ZMAT4: variants seen among roughly 807,000 people sequenced by gnomAD.
ZMAT4 encodes the protein zinc finger matrin-type 4, also known as zinc finger matrin-type protein 4.
ZMAT4 carries 17 observed loss-of-function variants against 28.7 expected under a neutral mutation model. The observed-to-expected ratio is 0.59, with a 90% CI of 0.41 to 0.89. ZMAT4 has a LOEUF of 0.89. Ranked by LOEUF, ZMAT4 falls within the 40% of genes least tolerant of loss-of-function variation. The pLI is 0.00. For missense variants in ZMAT4, 240 were observed against 283.8 expected (o/e 0.85, Z 1.11); for synonymous variants, 117 against 109.2 (o/e 1.07, Z -0.44).
chr8:40,756,122 G>T (rs565567876), intron 3 of ZMAT4, among the ~76,000 whole-genome samples: 1 of 152,016 alleles, frequency 6.6e-6, no homozygotes, highest in African/African-American at 2.4e-5. Context: ...GGGGTACTTT[G>T]AGTGGGGGAA....
chr8:40,559,094 T>C lies in ZMAT4; in HGVS notation c.674+22071A>G, dbSNP rs74625477. Among the ~76,000 whole-genome samples, 564 of 152,282 alleles carry C rather than the reference T, an allele frequency of 3.7e-3. 6 individuals carry two copies. Among genetic ancestry groups the C allele is most frequent in the Middle Eastern group, 0.01 (3 of 294 alleles). ...AGCACTGGCTTTGAGACAAGCAGTG[T>C]TGAAACAATTGCAGCTCGCCCACCA... On this transcript the variant is annotated intron_variant, in intron 6 of 6. Coordinates refer to ENST00000297737, the MANE Select transcript of ZMAT4 (RefSeq NM_024645.3).
intron 1 of ZMAT4, among the ~76,000 whole-genome samples, chr8:40,841,663 A>G (rs1207628085): frequency 6.6e-6 from 1 of 152,184 alleles, no homozygotes; most frequent in Non-Finnish European, 1.5e-5. Context: ...TTAGAGGCAA[A>G]AAGTATCTCT....
chr8:40,569,950 T>C (rs1003010022), intron 6 of ZMAT4, among the ~76,000 whole-genome samples: 12 of 152,290 alleles, frequency 7.9e-5, no homozygotes, highest in Admixed American at 3.3e-4. Context: ...TTAGAGATTG[T>C]TGGAATTGAT....
chr8:40,744,495 A>G (rs1230201794), intron 3 of ZMAT4, among the ~76,000 whole-genome samples: 2 of 152,168 alleles, frequency 1.3e-5, no homozygotes, highest in East Asian at 3.9e-4. Flanking sequence ...AAATGTGATA[A>G]TATTTACCCA....
intron 6 of ZMAT4, among the ~76,000 whole-genome samples, chr8:40,549,754 A>G (rs560176911): frequency 1.3e-5 from 2 of 152,276 alleles, no homozygotes; most frequent in Admixed American, 1.3e-4. Context: ...GGAAAAAAAA[A>G]CTAATTGAGT....
chr8:40,581,189 A>C lies in ZMAT4; in HGVS notation c.650T>G (p.Leu217Arg), dbSNP rs1261713227. 1 of 1,613,356 alleles carries C rather than the reference A, an allele frequency of 6.2e-7. No homozygotes were observed. The highest frequency in any genetic ancestry group is 8.5e-7 in the Non-Finnish European group (1 of 1,179,452). ...LNSIEQYHAH[L>R]KGSKHQTNLK... Reference sequence around the variant, plus strand: ...CTTGGTCTGGTGTTTAGATCCTTTCAGATGGGCATGATACTGTTCTATTGA... The same window carrying C: ...CTTGGTCTGGTGTTTAGATCCTTTCCGATGGGCATGATACTGTTCTATTGA... Residue 217 changes from leucine (L) to arginine (R), a missense_variant, in exon 6 of 7, where the codon CTG (leucine) becomes CGG (arginine). Physicochemically the swap from Leu to Arg is moderately radical, Grantham distance 102. Transcript: ENST00000297737.
chr8:40,742,250 A>G (rs1170510596), intron 3 of ZMAT4, among the ~76,000 whole-genome samples: 2 of 151,838 alleles, frequency 1.3e-5, no homozygotes, highest in Admixed American at 6.6e-5. Flanking sequence ...CCTGTCTCGA[A>G]AAAAAAGTAG....
intron 5 of ZMAT4, among the ~76,000 whole-genome samples, chr8:40,583,892 A>G (rs1158953315): frequency 6.6e-6 from 1 of 152,100 alleles, no homozygotes; most frequent in Non-Finnish European, 1.5e-5. Flanking sequence ...GCAAATGTGC[A>G]TTTTTACATC....
chr8:40,755,142 C>T, intron 3 of ZMAT4, among the ~76,000 whole-genome samples: 1 of 152,158 alleles, frequency 6.6e-6, no homozygotes, highest in East Asian at 1.9e-4. Flanking sequence ...AGAAACAAAG[C>T]CAAATAGCAA....
At chr8:40,742,394 A>AAT (rs1022834666) in intron 3 of ZMAT4, among the ~76,000 whole-genome samples, 39 of 149,902 alleles carry the variant, frequency 2.6e-4, no homozygotes, top group Middle Eastern at 3.5e-3. Flanking sequence ...TATGTGTATA[A>AAT]ATATATATAT....
At chr8:40,891,071 T>A (rs529059100) in intron 1 of ZMAT4, among the ~76,000 whole-genome samples, 71 of 150,524 alleles carry the variant, frequency 4.7e-4, no homozygotes, top group South Asian at 2.1e-3. Flanking sequence ...CGGCAGTGTG[T>A]GCTTGTAATC....
intron 1 of ZMAT4, among the ~76,000 whole-genome samples, chr8:40,835,003 A>G (rs1816425234): frequency 6.6e-6 from 1 of 152,236 alleles, no homozygotes; most frequent in Non-Finnish European, 1.5e-5. Flanking sequence ...GGGCAGCATG[A>G]TGGAGCGCAG....
At chr8:40,814,905 A>G (rs1353712235) in intron 2 of ZMAT4, among the ~76,000 whole-genome samples, 3 of 152,268 alleles carry the variant, frequency 2.0e-5, no homozygotes, top group East Asian at 1.9e-4. Flanking sequence ...TTGCTCAAAG[A>G]CTTCAAGAAC....
At chr8:40,880,102 C>T (rs1818169204) in intron 1 of ZMAT4, among the ~76,000 whole-genome samples, 1 of 152,062 alleles carries the variant, frequency 6.6e-6, no homozygotes, top group South Asian at 2.1e-4. Flanking sequence ...GCATGGTGGC[C>T]CACACCTATA....
chr8:40,814,683 T>C (rs1371103440), intron 2 of ZMAT4, among the ~76,000 whole-genome samples: 1 of 152,086 alleles, frequency 6.6e-6, no homozygotes, highest in African/African-American at 2.4e-5. Context: ...AAAGGAAAAA[T>C]TAAGCTGCAT....
chr8:40,550,778 T>C (rs1223868441), intron 6 of ZMAT4, among the ~76,000 whole-genome samples: 1 of 152,142 alleles, frequency 6.6e-6, no homozygotes, highest in African/African-American at 2.4e-5. Flanking sequence ...CAATGCAGAA[T>C]TATGAGTCAA....
chr8:40,589,289 A>C (rs1804773396), intron 5 of ZMAT4, among the ~76,000 whole-genome samples: 1 of 152,194 alleles, frequency 6.6e-6, no homozygotes. Flanking sequence ...CTAGTGGGAG[A>C]CAGAGTTGGG....
rs561585317 is a variant in ZMAT4, at chr8:40,685,338, A to G, written c.350-10407T>C. On this transcript the variant is annotated intron_variant, in intron 4 of 6. Transcript: ENST00000297737. Reference sequence around the variant, plus strand: ...CCCTACACCACTGCTTCTCCAATTGAGCAATGAGGCTGATGAACAAAGGAG... The same window carrying G: ...CCCTACACCACTGCTTCTCCAATTGGGCAATGAGGCTGATGAACAAAGGAG... Among the ~76,000 whole-genome samples the G allele has an allele frequency of 2.0e-5, 3 of 152,280 alleles. No individual in the cohort carries two copies. In the East Asian group the frequency reaches 5.8e-4, roughly 29 times the overall value.
At chr8:40,699,964 T>C (rs1000119039) in intron 3 of ZMAT4, among the ~76,000 whole-genome samples, 3 of 152,316 alleles carry the variant, frequency 2.0e-5, no homozygotes, top group East Asian at 3.9e-4. Context: ...GGCCCAGACA[T>C]AGAGGCCAGC....
Sources: allele counts gnomAD v4.1 joint callset (sites outside exome capture counted in the v4.1 genomes callset), GRCh38; gene constraint gnomAD v4.1.1; transcripts MANE v1.5; gene names NCBI Gene and HGNC (gene_info 2026-07-23, HGNC 2026-07-21).